MYL10: variants seen among roughly 807,000 people sequenced by gnomAD.
MYL10 encodes the protein myosin light chain 10, also known as myosin regulatory light chain 10.
MYL10 carries 18 observed loss-of-function variants against 21.9 expected under a neutral mutation model. The ratio of observed to expected loss-of-function variants is 0.82; its 90% CI spans 0.57 to 1.22. MYL10 has a LOEUF of 1.22. Among genes scored for constraint, MYL10 ranks in the 50% most tolerant of loss-of-function variants. The pLI is 0.00. For missense variants in MYL10, 225 were observed against 230.4 expected (o/e 0.98, Z 0.15); for synonymous variants, 88 against 82.8 (o/e 1.06, Z -0.34).
chr7:101,619,907 AG>A (rs1796656424), intron 5 of MYL10, among the ~76,000 whole-genome samples: 3 of 150,900 alleles, frequency 2.0e-5, no homozygotes, highest in Non-Finnish European at 4.4e-5. Context: ...AAAAAAAAAA[AG>A]ATATGTCCAC....
At chr7:101,627,684 A>G (rs938353458) in intron 1 of MYL10, among the ~76,000 whole-genome samples, 5 of 152,172 alleles carry the variant, frequency 3.3e-5, no homozygotes, top group African/African-American at 1.2e-4. Flanking sequence ...GGCAAATACC[A>G]CGGACGCAGG....
intron 5 of MYL10, among the ~76,000 whole-genome samples, chr7:101,620,028 A>G (rs2130738856): frequency 6.6e-6 from 1 of 152,214 alleles, no homozygotes; most frequent in African/African-American, 2.4e-5. Context: ...CCTGAATCCA[A>G]CGGCAGGTAG....
At chr7:101,615,305 G>A (rs562687084) in intron 6 of MYL10, among the ~76,000 whole-genome samples, 5 of 151,994 alleles carry the variant, frequency 3.3e-5, no homozygotes, top group East Asian at 3.9e-4. Flanking sequence ...ACTCCATCTC[G>A]ACGGCCATGA....
At chr7:101,628,200 T>A (rs927033680) in intron 1 of MYL10, among the ~76,000 whole-genome samples, 4 of 152,134 alleles carry the variant, frequency 2.6e-5, no homozygotes, top group Non-Finnish European at 4.4e-5. Flanking sequence ...ACGCCTGTAA[T>A]CCCAGAGCTT....
chr7:101,627,134 A>G (rs1796755334), intron 1 of MYL10, among the ~76,000 whole-genome samples: 2 of 148,668 alleles, frequency 1.3e-5, no homozygotes, highest in Admixed American at 6.6e-5. Context: ...TCTACCAAAA[A>G]TACAAAAAAA....
At chr7:101,616,169 C>G (rs371115473) in intron 6 of MYL10, 51 bp downstream of exon 6, 25 of 1,547,486 alleles carry the variant, frequency 1.6e-5, no homozygotes, top group Non-Finnish European at 2.2e-5. Context: ...GACCCCAGCC[C>G]AAAGCTGGCT....
chr7:101,616,375 G>C, intron 5 of MYL10, 77 bp from the exon 6 acceptor site: 1 of 1,152,370 alleles, frequency 8.7e-7, no homozygotes, highest in Non-Finnish European at 1.3e-6. Flanking sequence ...GGCTGGGCAG[G>C]GGCTGGGGCT....
chr7:101,627,267 C>A (rs1263850721), intron 1 of MYL10, among the ~76,000 whole-genome samples: 1 of 150,044 alleles, frequency 6.7e-6, no homozygotes, highest in Non-Finnish European at 1.5e-5. Flanking sequence ...CCACCGCACT[C>A]CAACCTGGGC....
At chr7:101,614,710 C>T (rs1050061108) in intron 6 of MYL10, among the ~76,000 whole-genome samples, 4 of 152,132 alleles carry the variant, frequency 2.6e-5, no homozygotes, top group Non-Finnish European at 5.9e-5. Context: ...CCTCAGCATC[C>T]CCTCCCCATC....
chr7:101,618,385 G>C (rs1796634377), intron 5 of MYL10, among the ~76,000 whole-genome samples: 1 of 152,216 alleles, frequency 6.6e-6, no homozygotes, highest in African/African-American at 2.4e-5. Context: ...CAGCCTCCCA[G>C]GTTTCACTGA....
intron 4 of MYL10, among the ~76,000 whole-genome samples, chr7:101,622,582 G>A (rs1796693129): frequency 6.6e-6 from 1 of 152,100 alleles, no homozygotes; most frequent in African/African-American, 2.4e-5. Flanking sequence ...ATCAGGGCCT[G>A]GTTACGTCCG....
intron 6 of MYL10, 44 bp from the exon 7 acceptor site, chr7:101,613,754 C>T (rs756943206): frequency 6.3e-7 from 1 of 1,596,498 alleles, no homozygotes; most frequent in Non-Finnish European, 8.6e-7. Context: ...AACGGGATAC[C>T]CAGCTTGAAC....
chr7:101,623,613 T>C (rs1173805437), intron 3 of MYL10, among the ~76,000 whole-genome samples: 1 of 149,792 alleles, frequency 6.7e-6, no homozygotes, highest in Non-Finnish European at 1.5e-5. Context: ...GAGGATGGCT[T>C]GAGCCCAGGA....
chr7:101,626,620 C>G (rs753937253), intron 1 of MYL10, among the ~76,000 whole-genome samples: 3 of 152,168 alleles, frequency 2.0e-5, no homozygotes, highest in Non-Finnish European at 4.4e-5. Context: ...CAAAGGTGAA[C>G]AGGGGGACCT....
chr7:101,617,846 AG>A (rs796770855), intron 5 of MYL10, among the ~76,000 whole-genome samples: 3 of 151,726 alleles, frequency 2.0e-5, no homozygotes, highest in Admixed American at 6.6e-5. Context: ...CTCTTCCATC[AG>A]ACTGGATCAG....
At chr7:101,613,622 A>G in intron 7 of MYL10, 40 bp downstream of exon 7, 3 of 1,613,746 alleles carry the variant, frequency 1.9e-6, no homozygotes, top group Non-Finnish European at 2.5e-6. Context: ...TGGGGGCCAG[A>G]GCAGAGAATC....
rs1292355928 is a variant in MYL10 at position 101,623,955 on chromosome 7, T to G, written c.238A>C (p.Thr80Pro). The change falls in exon 3 of 8, where the codon ACG becomes CCG. Residue 80 changes from threonine (T) to proline (P), a missense_variant. Coordinates refer to ENST00000223167, the MANE Select transcript of MYL10 (RefSeq NM_138403.5). Reference protein sequence around the residue: ...MISAHCNLCLTGSSNSPASAS... With the variant: ...MISAHCNLCLPGSSNSPASAS... The stretch of plus-strand genomic sequence containing the variant: ...GAGGCAGGAGAATTGCTTGAACCCG[T>G]GAGGCAGAGGTTGCAGTGAGCCGAG... 2.2e-6 allele frequency: 1 copy of G among 447,826 alleles called. No individual in the cohort carries two copies. The highest frequency in any genetic ancestry group is 4.0e-6 in the Non-Finnish European group (1 of 248,584). The allele number at this position is 447,826 out of a possible 1,614,324, so 27.7% of individuals were successfully genotyped here.
chr7:101,618,684 G>A (rs967895672), intron 5 of MYL10, among the ~76,000 whole-genome samples: 4 of 152,178 alleles, frequency 2.6e-5, no homozygotes, highest in Non-Finnish European at 4.4e-5. Flanking sequence ...GGGGTGAGGC[G>A]GCGCCGGCCC....
In MYL10 at chr7:101,623,011, G is replaced by T. The variant is rs144539367; in HGVS notation, c.335C>A (p.Thr112Asn). Residue 112 changes from threonine (T) to asparagine (N), a missense_variant, in exon 4 of 8, where the codon ACC (threonine) becomes AAC (asparagine). Thr to Asn is a moderately conservative substitution (Grantham distance 65). Transcript: ENST00000223167. ...GFIDKEDLRDTFAALGRINVK... is the reference protein window; with the variant it reads ...GFIDKEDLRDNFAALGRINVK... Reference sequence around the variant, plus strand: ...GGCTCACCCACCCAGCGCGGCAAAGGTGTCCCTCAAGTCCTCTTTGTCGAT... The same window carrying T: ...GGCTCACCCACCCAGCGCGGCAAAGTTGTCCCTCAAGTCCTCTTTGTCGAT... 2 of 1,613,998 alleles carry T rather than the reference G, an allele frequency of 1.2e-6. No homozygotes were observed. The highest frequency in any genetic ancestry group is 1.7e-4 in the Middle Eastern group (1 of 6,060).
Sources: allele counts gnomAD v4.1 joint callset (sites outside exome capture counted in the v4.1 genomes callset), GRCh38; gene constraint gnomAD v4.1.1; transcripts MANE v1.5; gene names NCBI Gene and HGNC (gene_info 2026-07-23, HGNC 2026-07-21).